The following EFCAB13 variants were observed in gnomAD, a reference collection of about 807,000 sequenced individuals.
EFCAB13 encodes the protein EF-hand calcium-binding domain-containing protein 13.
A neutral mutation model predicts 110.2 loss-of-function variants in EFCAB13; 91 were observed. The ratio of observed to expected loss-of-function variants is 0.83; its 90% CI spans 0.70 to 0.98. The LOEUF (loss-of-function observed/expected upper bound fraction) is 0.98. Among genes scored for constraint, EFCAB13 ranks in the 50% least tolerant of loss-of-function variants. The pLI is 0.00. For missense variants in EFCAB13, 968 were observed against 1,119.4 expected, an observed-to-expected ratio of 0.86 and a Z score of 1.93; for synonymous variants, 323 against 369.9, an observed-to-expected ratio of 0.87 and a Z score of 1.45.
intron 23 of EFCAB13, among the ~76,000 whole-genome samples, chr17:47,421,320 G>A (rs1049744294): frequency 6.6e-6 from 1 of 152,098 alleles, no homozygotes; most frequent in Non-Finnish European, 1.5e-5. Context: ...TTATCCTGTT[G>A]ATCTGTGACC....
intron 23 of EFCAB13, among the ~76,000 whole-genome samples, chr17:47,419,718 G>A (rs1598761047): frequency 6.6e-6 from 1 of 152,234 alleles, no homozygotes; most frequent in East Asian, 1.9e-4. Context: ...TTACAGTGCT[G>A]GTGAAATGCA....
chr17:47,361,201 A>G lies in EFCAB13; in HGVS notation c.662-177A>G, dbSNP rs542540933. On this transcript the variant is annotated intron_variant, in intron 9 of 24. Coordinates refer to ENST00000331493, the MANE Select transcript of EFCAB13 (RefSeq NM_152347.5). ...ATTCCTATGGAGAAATAAAAGACCA[A>G]TGTTTTAACCACTATTATAAAGTTA... is the stretch of plus-strand genomic sequence containing the variant. Among the ~76,000 whole-genome samples the G allele has an allele frequency of 3.3e-5, 5 of 152,302 alleles. No individual in the cohort carries two copies. In the East Asian group the frequency reaches 7.7e-4, roughly 24 times the overall value.
intron 14 of EFCAB13, among the ~76,000 whole-genome samples, chr17:47,381,536 G>C (rs903251217): frequency 2.0e-5 from 3 of 152,146 alleles, no homozygotes; most frequent in Non-Finnish European, 1.5e-5. Context: ...TCTATTAGGT[G>C]TAAGGAAGGG....
At chr17:47,375,808 A>G (rs762341362) in intron 12 of EFCAB13, among the ~76,000 whole-genome samples, 1 of 152,184 alleles carries the variant, frequency 6.6e-6, no homozygotes, top group Non-Finnish European at 1.5e-5. Flanking sequence ...CAAGTAGGAA[A>G]TCTGTGTGAA....
At chr17:47,328,411 TTTC>T in intron 4 of EFCAB13, 28 bp downstream of exon 4, 4 of 1,503,830 alleles carry the variant, frequency 2.7e-6, no homozygotes, top group Non-Finnish European at 3.6e-6. Flanking sequence ...TTTCTAAAGA[TTTC>T]TTCTTTCTTC....
chr17:47,422,825 TCAATG>T (rs1209533475), intron 23 of EFCAB13, among the ~76,000 whole-genome samples: 2 of 152,176 alleles, frequency 1.3e-5, no homozygotes, highest in Non-Finnish European at 2.9e-5. Flanking sequence ...AGCTATATAT[TCAATG>T]CAATCCCAAT....
At chr17:47,332,580 C>G (rs1386132461) in intron 4 of EFCAB13, among the ~76,000 whole-genome samples, 1 of 151,576 alleles carries the variant, frequency 6.6e-6, no homozygotes, top group Non-Finnish European at 1.5e-5. Flanking sequence ...ACCTCTCCAC[C>G]CCCCAGCCTC....
intron 10 of EFCAB13, among the ~76,000 whole-genome samples, chr17:47,367,061 C>T (rs2143335848): frequency 6.6e-6 from 1 of 152,210 alleles, no homozygotes; most frequent in Non-Finnish European, 1.5e-5. Flanking sequence ...GAACATGGGA[C>T]ATGGAATCAA....
At chr17:47,389,979 C>A (rs535881562) in intron 14 of EFCAB13, among the ~76,000 whole-genome samples, 3 of 152,242 alleles carry the variant, frequency 2.0e-5, no homozygotes, top group South Asian at 4.2e-4. Context: ...AAAGAATCAT[C>A]TTTTAAATAA....
At chr17:47,372,417 G>A (rs2065590118) in intron 11 of EFCAB13, among the ~76,000 whole-genome samples, 1 of 151,898 alleles carries the variant, frequency 6.6e-6, no homozygotes, top group East Asian at 1.9e-4. Context: ...TTTTTATATT[G>A]TTTCCCTTAA....
chr17:47,400,900 G>T (rs2143441929), intron 17 of EFCAB13, among the ~76,000 whole-genome samples: 1 of 152,286 alleles, frequency 6.6e-6, no homozygotes, highest in East Asian at 1.9e-4. Context: ...TAGAATATTT[G>T]ATTATGTAAC....
At chr17:47,331,893 G>T (rs1037647805) in intron 4 of EFCAB13, among the ~76,000 whole-genome samples, 2 of 152,024 alleles carry the variant, frequency 1.3e-5, no homozygotes, top group Non-Finnish European at 1.5e-5. Context: ...TATTTTCAAG[G>T]CTTGATAGCT....
chr17:47,363,391 A>G (rs2065527327), intron 10 of EFCAB13, among the ~76,000 whole-genome samples: 1 of 152,020 alleles, frequency 6.6e-6, no homozygotes, highest in South Asian at 2.1e-4. Context: ...AATGAATCAG[A>G]TAGTCAGTCA....
At chr17:47,357,955 T>C (rs993942446) in intron 9 of EFCAB13, among the ~76,000 whole-genome samples, 1 of 152,214 alleles carries the variant, frequency 6.6e-6, no homozygotes, top group East Asian at 1.9e-4. Context: ...ATTTTTCAAG[T>C]CCTGGTTTCC....
intron 13 of EFCAB13, 85 bp downstream of exon 13, chr17:47,377,988 T>C (rs2065625814): frequency 1.6e-6 from 2 of 1,274,448 alleles, no homozygotes; most frequent in Admixed American, 2.8e-5. Flanking sequence ...TTCCTCTCAA[T>C]TAGAAATTAG....
intron 9 of EFCAB13, among the ~76,000 whole-genome samples, chr17:47,354,964 G>A (rs1428919549): frequency 2.6e-5 from 4 of 152,026 alleles, no homozygotes; most frequent in Admixed American, 6.6e-5. Flanking sequence ...TGTTTTATAG[G>A]TCCTGTGAAA....
At chr17:47,355,803 C>T (rs1308112140) in intron 9 of EFCAB13, among the ~76,000 whole-genome samples, 2 of 152,032 alleles carry the variant, frequency 1.3e-5, no homozygotes, top group African/African-American at 4.8e-5. Flanking sequence ...GATTGCTTGA[C>T]CTCATGATCC....
intron 23 of EFCAB13, among the ~76,000 whole-genome samples, chr17:47,424,181 C>G (rs1038891061): frequency 6.6e-6 from 1 of 152,206 alleles, no homozygotes; most frequent in Non-Finnish European, 1.5e-5. Flanking sequence ...CCGGAGGAGC[C>G]GGCGCCAGCG....
chr17:47,420,464 G>T (rs2095703286), intron 23 of EFCAB13, among the ~76,000 whole-genome samples: 1 of 141,776 alleles, frequency 7.1e-6, no homozygotes, highest in South Asian at 2.3e-4. Flanking sequence ...AAAGTGAGGA[G>T]CATCTCTGCC....
Sources: gnomAD v4.1 joint callset for allele counts (sites outside exome capture counted in the v4.1 genomes callset) on GRCh38, gnomAD v4.1.1 for gene constraint, MANE v1.5 for transcripts, NCBI Gene and HGNC (gene_info 2026-07-23, HGNC 2026-07-21) for gene names.